The following MARK1 variants were observed in gnomAD, a reference collection of about 807,000 sequenced individuals.
The protein encoded by MARK1 is serine/threonine-protein kinase MARK1.
MARK1 carries 40 observed loss-of-function variants against 96.3 expected under a neutral mutation model. The observed-to-expected ratio is 0.42, with a 90% confidence interval of 0.32 to 0.54. MARK1 has a LOEUF of 0.54. Among genes scored for constraint, MARK1 ranks in the 20% least tolerant of loss-of-function variants. The pLI, the probability that MARK1 is intolerant of heterozygous loss-of-function variation, is 0.16. For synonymous variants in MARK1, 317 were observed against 341.2 expected, an observed-to-expected ratio of 0.93 and a Z score of 0.78; for missense variants, 719 against 984.6, an observed-to-expected ratio of 0.73 and a Z score of 3.61.
intron 15 of MARK1, 78 bp downstream of exon 15, chr1:220,652,228 C>G: frequency 8.4e-7 from 1 of 1,185,686 alleles, no homozygotes; most frequent in Non-Finnish European, 1.2e-6. Flanking sequence ...ACATGATAGT[C>G]ACCATCACAT....
intron 3 of MARK1, among the ~76,000 whole-genome samples, chr1:220,594,187 G>C (rs1368247637): frequency 6.6e-6 from 1 of 152,196 alleles, no homozygotes; most frequent in Non-Finnish European, 1.5e-5. Flanking sequence ...GCTTGAAAAT[G>C]AACAACTTGA....
intron 16 of MARK1, among the ~76,000 whole-genome samples, chr1:220,655,388 C>G (rs1669112341): frequency 6.6e-6 from 1 of 152,182 alleles, no homozygotes; most frequent in East Asian, 1.9e-4. Context: ...TGCTCAGCCT[C>G]TCCACTTAGA....
intron 14 of MARK1, among the ~76,000 whole-genome samples, chr1:220,651,378 G>A (rs886435397): frequency 4.6e-5 from 7 of 152,082 alleles, no homozygotes; most frequent in Non-Finnish European, 7.4e-5. Context: ...TAATAAGAAT[G>A]TAAAGTAAGT....
At chr1:220,636,305 T>C (rs1170488773) in intron 13 of MARK1, among the ~76,000 whole-genome samples, 3 of 152,180 alleles carry the variant, frequency 2.0e-5, no homozygotes, top group Admixed American at 2.0e-4. Context: ...AATATTATAT[T>C]GGCACATTTC....
At position 220,618,297 on chromosome 1, in the gene MARK1, A is replaced by G. The variant is rs755839922; in HGVS notation, c.553-13A>G. On this transcript the variant is annotated splice_polypyrimidine_tract_variant and intron_variant, in intron 7 of 17. Transcript: ENST00000366917. This position sits in a 1 kb window ranked among gnomAD's most constrained non-coding sequence, Gnocchi z 4.6. Reference sequence around the variant, plus strand: ...GGCTTTTTACATTGTTCTTTCTATTATTTTCCTCTTAGGCTGAAAACCTTC... The same window carrying G: ...GGCTTTTTACATTGTTCTTTCTATTGTTTTCCTCTTAGGCTGAAAACCTTC... 6.7e-7 allele frequency: 1 copy of G among 1,497,838 alleles called. No individual in the cohort carries two copies. The highest frequency in any genetic ancestry group is 9.3e-7 in the Non-Finnish European group (1 of 1,075,414). The allele number at this position is 1,497,838 out of a possible 1,614,324, so 92.8% of individuals were successfully genotyped here.
At chr1:220,648,220 C>T (rs1480411919) in intron 13 of MARK1, among the ~76,000 whole-genome samples, 2 of 151,856 alleles carry the variant, frequency 1.3e-5, no homozygotes, top group Admixed American at 1.3e-4. Flanking sequence ...GTGAAAGAAC[C>T]CCCAAAAAGT....
At chr1:220,549,555 C>T (rs904183853) in intron 1 of MARK1, among the ~76,000 whole-genome samples, 1 of 152,168 alleles carries the variant, frequency 6.6e-6, no homozygotes, top group Non-Finnish European at 1.5e-5. Context: ...AACATGAGGT[C>T]TTTCTGTTTT....
At chr1:220,645,988 A>G (rs1285199718) in intron 13 of MARK1, among the ~76,000 whole-genome samples, 1 of 152,170 alleles carries the variant, frequency 6.6e-6, no homozygotes, top group Admixed American at 6.5e-5. Flanking sequence ...TTCCCCCTTG[A>G]AAACTGGCAC....
chr1:220,644,372 C>T (rs1668459105), intron 13 of MARK1, among the ~76,000 whole-genome samples: 1 of 151,864 alleles, frequency 6.6e-6, no homozygotes, highest in Non-Finnish European at 1.5e-5. Context: ...AGCTAACTAT[C>T]CTAAATATAC....
At chr1:220,619,743 T>G (rs972348219) in intron 9 of MARK1, among the ~76,000 whole-genome samples, 2 of 152,358 alleles carry the variant, frequency 1.3e-5, no homozygotes, top group Middle Eastern at 3.4e-3. Context: ...ATTTATTTCT[T>G]AAGTATTTTG....
At chr1:220,580,409 A>G (rs1292172788) in intron 2 of MARK1, among the ~76,000 whole-genome samples, 1 of 152,054 alleles carries the variant, frequency 6.6e-6, no homozygotes, top group Non-Finnish European at 1.5e-5. Flanking sequence ...CCGGGAGGTC[A>G]AGGCTGCAGT....
At chr1:220,648,489 C>G (rs1668701158) in intron 13 of MARK1, among the ~76,000 whole-genome samples, 1 of 152,190 alleles carries the variant, frequency 6.6e-6, no homozygotes, top group African/African-American at 2.4e-5. Flanking sequence ...TGGGGAAATA[C>G]AACTGATGGT....
intron 11 of MARK1, among the ~76,000 whole-genome samples, chr1:220,634,775 C>G (rs1667853538): frequency 6.6e-6 from 1 of 152,122 alleles, no homozygotes; most frequent in African/African-American, 2.4e-5. Context: ...TGTCAACCTG[C>G]AGTTTACCAT....
chr1:220,604,170 G>C, intron 6 of MARK1, 33 bp downstream of exon 6: 1 of 1,461,428 alleles, frequency 6.8e-7, no homozygotes, highest in South Asian at 1.2e-5. Flanking sequence ...TTGTTTTGCT[G>C]ATAATTGTAG....
At chr1:220,559,510 T>C (rs1328926029) in intron 1 of MARK1, among the ~76,000 whole-genome samples, 1 of 152,236 alleles carries the variant, frequency 6.6e-6, no homozygotes, top group Non-Finnish European at 1.5e-5. Context: ...GAAAGGGACA[T>C]GTGGTCATGG....
chr1:220,558,588 C>T (rs1200116315), intron 1 of MARK1, among the ~76,000 whole-genome samples: 3 of 151,416 alleles, frequency 2.0e-5, no homozygotes, highest in Admixed American at 6.6e-5. Flanking sequence ...AGATAAAGAG[C>T]ATTATTAAAG....
intron 16 of MARK1, among the ~76,000 whole-genome samples, chr1:220,656,827 A>G (rs924800132): frequency 5.9e-5 from 9 of 152,134 alleles, no homozygotes; most frequent in Non-Finnish European, 1.3e-4. Context: ...AAAGGCATGT[A>G]TTAGTTAAAG....
At chr1:220,648,813 G>A (rs188344254) in intron 13 of MARK1, among the ~76,000 whole-genome samples, 7 of 152,266 alleles carry the variant, frequency 4.6e-5, no homozygotes, top group Admixed American at 3.3e-4. Context: ...CAGTAATCCT[G>A]TGCAGTTTTA....
At chr1:220,632,401 A>G in intron 11 of MARK1, 88 bp downstream of exon 11, 2 of 570,342 alleles carry the variant, frequency 3.5e-6, no homozygotes, top group Non-Finnish European at 6.1e-6. Context: ...CAAAAATAAT[A>G]TAAAGATCCT....
Sources: gnomAD v4.1 joint callset for allele counts (sites outside exome capture counted in the v4.1 genomes callset) on GRCh38, gnomAD v4.1.1 for gene constraint, Gnocchi (gnomAD v3.1) non-coding constraint, MANE v1.5 for transcripts, NCBI Gene and HGNC (gene_info 2026-07-23, HGNC 2026-07-21) for gene names.